Variants in SCEL observed in about 807,000 individuals in gnomAD.
SCEL encodes the protein sciellin.
In SCEL, 113 loss-of-function variants were observed where a neutral mutation model predicts 117.6. The ratio of observed to expected loss-of-function variants is 0.96; its 90% CI spans 0.83 to 1.12. The LOEUF is 1.12. Ranked by LOEUF, SCEL falls within the 50% of genes most tolerant of loss-of-function variation. The probability of loss-of-function intolerance (pLI) is 0.00; values close to 1 mark genes in which losing one functional copy is unlikely to be tolerated. For missense variants in SCEL, 785 were observed against 810.8 expected, an observed-to-expected ratio of 0.97 and a Z score of 0.39; for synonymous variants, 270 against 256.2, an observed-to-expected ratio of 1.05 and a Z score of -0.51.
intron 4 of SCEL, among the ~76,000 whole-genome samples, chr13:77,560,847 G>A (rs2084939008): frequency 6.6e-6 from 1 of 152,196 alleles, no homozygotes; most frequent in Non-Finnish European, 1.5e-5. Flanking sequence ...GAAAGGGAGT[G>A]TGAATGTCTT....
At chr13:77,612,634 AAAT>A (rs1167982457) in intron 22 of SCEL, among the ~76,000 whole-genome samples, 2 of 151,714 alleles carry the variant, frequency 1.3e-5, no homozygotes, top group Non-Finnish European at 2.9e-5. Context: ...AAAGTATGTA[AAAT>A]AAAGAGTTTA....
intron 21 of SCEL, 69 bp downstream of exon 21, chr13:77,609,186 T>C: frequency 1.7e-6 from 2 of 1,196,662 alleles, no homozygotes; most frequent in Non-Finnish European, 2.4e-6. Flanking sequence ...TAAAGCATCA[T>C]TTCAGCTGAC....
At chr13:77,618,321 C>G (rs1836925989) in intron 27 of SCEL, among the ~76,000 whole-genome samples, 1 of 152,184 alleles carries the variant, frequency 6.6e-6, no homozygotes, top group South Asian at 2.1e-4. Flanking sequence ...ACTGGGACTA[C>G]AGGTGTGCAC....
At chr13:77,643,385 A>C (rs1464001494) in intron 32 of SCEL, among the ~76,000 whole-genome samples, 11 of 152,170 alleles carry the variant, frequency 7.2e-5, no homozygotes, top group Admixed American at 7.2e-4. Context: ...TATAAACTAC[A>C]TATGAAAGTT....
At chr13:77,558,390 A>G (rs1016469737) in intron 3 of SCEL, among the ~76,000 whole-genome samples, 7 of 152,178 alleles carry the variant, frequency 4.6e-5, no homozygotes, top group African/African-American at 1.7e-4. Flanking sequence ...AATTTCATTA[A>G]GAGATATGGA....
chr13:77,620,515 C>T (rs1020729318), intron 27 of SCEL, among the ~76,000 whole-genome samples: 2 of 152,152 alleles, frequency 1.3e-5, no homozygotes, highest in African/African-American at 4.8e-5. Flanking sequence ...CAAACTACAG[C>T]CATTGATCAG....
chr13:77,544,272 G>C (rs1198901790), intron 1 of SCEL, among the ~76,000 whole-genome samples: 1 of 151,122 alleles, frequency 6.6e-6, no homozygotes, highest in East Asian at 1.9e-4. Flanking sequence ...TTTCTTTTCT[G>C]CCTTATTTCT....
At chr13:77,540,604 A>G (rs935991986) in intron 1 of SCEL, among the ~76,000 whole-genome samples, 1 of 152,190 alleles carries the variant, frequency 6.6e-6, no homozygotes, top group Non-Finnish European at 1.5e-5. Context: ...GTTCAGGAAG[A>G]AGAGTGTTTC....
At chr13:77,551,497 G>A (rs1648753858) in intron 1 of SCEL, among the ~76,000 whole-genome samples, 1 of 152,150 alleles carries the variant, frequency 6.6e-6, no homozygotes, top group Non-Finnish European at 1.5e-5. Flanking sequence ...TCTCACAGTT[G>A]TGGGGGCTGG....
At chr13:77,629,090 C>A (rs2089912293) in intron 28 of SCEL, among the ~76,000 whole-genome samples, 1 of 152,108 alleles carries the variant, frequency 6.6e-6, no homozygotes, top group African/African-American at 2.4e-5. Context: ...ATTTGAGAAG[C>A]ATTCCAGTTC....
intron 18 of SCEL, 44 bp from the exon 19 acceptor site, chr13:77,604,312 T>C (rs1287420864): frequency 2.6e-5 from 32 of 1,241,260 alleles, no homozygotes; most frequent in Non-Finnish European, 3.4e-5. Flanking sequence ...TGATTAGTGC[T>C]ATACTTTAAC....
At chr13:77,570,819 T>C (rs1277961556) in intron 8 of SCEL, among the ~76,000 whole-genome samples, 3 of 152,322 alleles carry the variant, frequency 2.0e-5, no homozygotes, top group Middle Eastern at 3.4e-3. Context: ...TCAATATTTT[T>C]ACTTGTCAGA....
At chr13:77,584,400 G>T (rs1273173966) in intron 9 of SCEL, among the ~76,000 whole-genome samples, 1 of 152,110 alleles carries the variant, frequency 6.6e-6, no homozygotes, top group East Asian at 1.9e-4. Flanking sequence ...GGCCCAGCAG[G>T]GGTGTAAATG....
chr13:77,597,731 C>G (rs1156529989), intron 13 of SCEL, 142 bp downstream of exon 13: 1 of 478,218 alleles, frequency 2.1e-6, no homozygotes, highest in African/African-American at 2.1e-5. Flanking sequence ...TTGCAGCAAT[C>G]ATCATCATTT....
chr13:77,599,282 T>C (rs1382177402), intron 13 of SCEL, 47 bp from the exon 14 acceptor site: 15 of 1,364,192 alleles, frequency 1.1e-5, no homozygotes, highest in African/African-American at 1.4e-5. Flanking sequence ...GAGTTAAGCA[T>C]TGGTCATTAT....
chr13:77,597,392 G>T (rs1049230468), intron 12 of SCEL, among the ~76,000 whole-genome samples, 153 bp from the exon 13 acceptor site: 1 of 151,996 alleles, frequency 6.6e-6, no homozygotes, highest in African/African-American at 2.4e-5. Flanking sequence ...AGAAAGTGGT[G>T]TTGGATGCGA....
intron 8 of SCEL, among the ~76,000 whole-genome samples, chr13:77,570,959 G>A (rs1255741974): frequency 1.3e-5 from 2 of 150,652 alleles, no homozygotes; most frequent in African/African-American, 4.9e-5. Flanking sequence ...AGCCTCCCGA[G>A]TAGTTGGGAG....
chr13:77,589,202 A>G lies in SCEL; in HGVS notation c.604A>G (p.Asn202Asp), dbSNP rs1212657829. The G allele has an allele frequency of 6.2e-7, 1 of 1,612,126 alleles. No individual in the cohort carries two copies. Among genetic ancestry groups the G allele is most frequent in the Non-Finnish European group, 8.5e-7 (1 of 1,178,404 alleles). Residue 202 changes from asparagine (N) to aspartate (D), a missense_variant, in exon 10 of 33, where the codon AAC (asparagine) becomes GAC (aspartate). Asn to Asp is a conservative substitution (Grantham distance 23, BLOSUM62 1). Coordinates refer to ENST00000349847, the MANE Select transcript of SCEL (RefSeq NM_144777.3). Reference protein sequence around the residue: ...PKPSSPVSSPNQLRQDNRQIH... With the variant: ...PKPSSPVSSPDQLRQDNRQIH... ...GCCCAGTTCTCCTGTTTCTTCTCCTAACCAGCTGAGACAGGATAATAGGTA... is the reference window on the plus strand; with the variant it reads ...GCCCAGTTCTCCTGTTTCTTCTCCTGACCAGCTGAGACAGGATAATAGGTA...
chr13:77,620,030 C>G (rs4142584), intron 27 of SCEL, among the ~76,000 whole-genome samples: 151,761 of 152,324 alleles, frequency 1, 75,601 homozygotes, highest in East Asian at 1. Flanking sequence ...CGTAGAAAGA[C>G]GACATTTTCC....
Sources: allele counts gnomAD v4.1 joint callset (sites outside exome capture counted in the v4.1 genomes callset), GRCh38; gene constraint gnomAD v4.1.1; transcripts MANE v1.5; gene names NCBI Gene and HGNC (gene_info 2026-07-23, HGNC 2026-07-21).